The following NELFCD variants were observed in gnomAD, a reference collection of about 807,000 sequenced individuals.
The protein encoded by NELFCD is negative elongation factor C/D.
A neutral mutation model predicts 72.9 loss-of-function variants in NELFCD; 48 were observed. The observed-to-expected ratio is 0.66, with a 90% confidence interval of 0.52 to 0.84. NELFCD has a LOEUF of 0.84. Ranked by LOEUF, NELFCD falls within the 40% of genes least tolerant of loss-of-function variation. The pLI, the probability that NELFCD is intolerant of heterozygous loss-of-function variation, is 0.00. For missense variants in NELFCD, 538 were observed against 723.8 expected (o/e 0.74, Z 2.94); for synonymous variants, 297 against 280.6 (o/e 1.06, Z -0.59).
Position 58,993,232 on chromosome 20 carries a change from T to A in NELFCD, c.1344+120T>A. The stretch of plus-strand genomic sequence containing the variant: ...GATACTCTTCTCAAAAATAGTTATT[T>A]CTGTCCTGAGGATTTTCCTCTTAAG... On this transcript the variant is annotated intron_variant, in intron 11 of 14. Coordinates refer to ENST00000652272, the MANE Select transcript of NELFCD (RefSeq NM_198976.4). This position sits in a 1 kb window ranked among gnomAD's most constrained non-coding sequence, Gnocchi z 5.0. 1.1e-6 allele frequency: 1 copy of A among 899,496 alleles called. No individual in the cohort carries two copies. Among genetic ancestry groups the A allele is most frequent in the Admixed American group, 2.4e-5 (1 of 42,424 alleles). The allele number at this position is 899,496 out of a possible 1,614,324, so 55.7% of individuals were successfully genotyped here. A position where few individuals can be genotyped will look rare whatever the true frequency, so the allele number is the denominator to read the frequency against.
At chr20:58,992,054 C>T in intron 10 of NELFCD, 34 bp downstream of exon 10, 1 of 1,562,404 alleles carries the variant, frequency 6.4e-7, no homozygotes, top group South Asian at 1.2e-5. Flanking sequence ...TTAAATCAGT[C>T]CTTTGGGGAG....
intron 1 of NELFCD, among the ~76,000 whole-genome samples, chr20:58,985,005 G>A (rs564175425): frequency 1.1e-3 from 161 of 152,342 alleles, no homozygotes; most frequent in Non-Finnish European, 1.7e-3. Context: ...CCAAAGCACT[G>A]CTTTTAGGAT....
chr20:58,989,324 C>A, intron 5 of NELFCD, 164 bp from the exon 6 acceptor site: 2 of 808,540 alleles, frequency 2.5e-6, no homozygotes. Context: ...GTGGTCAGCC[C>A]AGGGCACACA....
chr20:58,992,120 T>G, intron 10 of NELFCD, 100 bp downstream of exon 10: 1 of 1,232,738 alleles, frequency 8.1e-7, no homozygotes, highest in Non-Finnish European at 1.1e-6. Flanking sequence ...TCAGCGATAC[T>G]TGTTCATTTT....
rs1487601327 is a variant in NELFCD at position 58,993,654 on chromosome 20, A to G, written c.1471A>G (p.Met491Val). ...LELKKTLLDRMVHLLSRGYVL... is the reference protein window; with the variant it reads ...LELKKTLLDRVVHLLSRGYVL... ...GTTGAAGAAGACACTGCTGGACAGG[A>G]TGGTTCACCTGCTGAGTCGAGGTTA... is the stretch of plus-strand genomic sequence containing the variant. Residue 491 changes from methionine (M) to valine (V), a missense_variant, in exon 13 of 15, where the codon ATG (methionine) becomes GTG (valine). Physicochemically the swap from Met to Val is conservative, Grantham distance 21. Transcript: ENST00000652272. This position sits in a 1 kb window ranked among gnomAD's most constrained non-coding sequence, Gnocchi z 5.0. 6.2e-7 allele frequency: 1 copy of G among 1,614,174 alleles called. No individual in the cohort carries two copies. The highest frequency in any genetic ancestry group is 1.7e-5 in the Admixed American group (1 of 60,016).
rs2091836635 is a variant in NELFCD, at chr20:58,993,847, C to G, written c.1581+83C>G. The G allele has an allele frequency of 6.9e-7, 1 of 1,458,672 alleles. No homozygotes were observed. Among genetic ancestry groups the G allele is most frequent in the South Asian group, 1.2e-5 (1 of 81,386 alleles). The allele number at this position is 1,458,672 out of a possible 1,614,324, so 90.4% of individuals were successfully genotyped here. On this transcript the variant is annotated intron_variant, in intron 13 of 14. Transcript: ENST00000652272. This position sits in a 1 kb window ranked among gnomAD's most constrained non-coding sequence, Gnocchi z 5.0. ...TTGGCTTAATTTAGTTCATTTTGTA[C>G]CTAACTGAGAACTGTGCTTTCTGAT...
chr20:58,981,348 C>A lies in NELFCD; in HGVS notation c.39C>A (p.Gly13=). The A allele has an allele frequency of 9.0e-7, 1 of 1,111,916 alleles. No homozygotes were observed. The highest frequency in any genetic ancestry group is 1.1e-6 in the Non-Finnish European group (1 of 907,062). The allele number at this position is 1,111,916 out of a possible 1,614,324, so 68.9% of individuals were successfully genotyped here. Reference sequence around the variant, plus strand: ...ACTACGGGAGCGCGGCCGAGTGGGGCGACGAGGCTGACGGCGGCCAGGTGA... The same window carrying A: ...ACTACGGGAGCGCGGCCGAGTGGGGAGACGAGGCTGACGGCGGCCAGGTGA... ...EDYYGSAAEW[G]DEADGGQQED... Residue 13 remains glycine, a synonymous_variant, in exon 1 of 15, where the codon GGC becomes GGA. Transcript: ENST00000652272.
At chr20:58,994,018 ATTT>A in intron 13 of NELFCD, 89 bp from the exon 14 acceptor site, 1 of 1,498,418 alleles carries the variant, frequency 6.7e-7, no homozygotes, top group Non-Finnish European at 9.1e-7. Flanking sequence ...GTGGGGAGGG[ATTT>A]TTTCCAAACT....
intron 7 of NELFCD, 128 bp downstream of exon 7, chr20:58,990,116 G>A: frequency 1.5e-6 from 2 of 1,314,884 alleles, no homozygotes; most frequent in Non-Finnish European, 2.1e-6. Context: ...CTTGCTTTTG[G>A]CTGGGCGTGG....
chr20:58,990,742 T>C, intron 7 of NELFCD, 168 bp from the exon 8 acceptor site: 1 of 596,544 alleles, frequency 1.7e-6, no homozygotes, highest in South Asian at 2.3e-5. Flanking sequence ...GCAAGCTGTA[T>C]TGGAATCACT....
intron 4 of NELFCD, among the ~76,000 whole-genome samples, chr20:58,988,499 A>C (rs918297075): frequency 6.6e-6 from 1 of 152,232 alleles, no homozygotes; most frequent in Non-Finnish European, 1.5e-5. Context: ...CATCCGTCAC[A>C]TAGGAGAGCT....
intron 14 of NELFCD, 77 bp from the exon 15 acceptor site, chr20:58,994,562 CAAA>C (rs374709307): frequency 0.012 from 9,777 of 811,988 alleles, no homozygotes; most frequent in East Asian, 0.014. Context: ...AACTGCATCT[CAAA>C]AAAAAAAAAA....
intron 1 of NELFCD, among the ~76,000 whole-genome samples, chr20:58,984,706 G>GA (rs2091760349): frequency 6.6e-6 from 1 of 152,216 alleles, no homozygotes; most frequent in African/African-American, 2.4e-5. Flanking sequence ...AATGAGAATG[G>GA]AATGTTGGAT....
chr20:58,989,157 A>C (rs1472672987), intron 5 of NELFCD, 136 bp downstream of exon 5: 1 of 675,092 alleles, frequency 1.5e-6, no homozygotes, highest in Non-Finnish European at 2.5e-6. Flanking sequence ...TAAGCCTTAC[A>C]CTGAGAAAGA....
At chr20:58,991,581 G>C (rs1399643062) in intron 9 of NELFCD, 135 bp downstream of exon 9, 3 of 1,093,916 alleles carry the variant, frequency 2.7e-6, no homozygotes, top group Non-Finnish European at 3.9e-6. Flanking sequence ...TTGTGTTTCT[G>C]CGTAGAGAAA....
At chr20:58,990,663 C>G (rs2091809306) in intron 7 of NELFCD, 1 of 409,312 alleles carries the variant, frequency 2.4e-6, no homozygotes, top group Non-Finnish European at 4.4e-6. Context: ...CTCATATTAG[C>G]TTTATTTTCT....
intron 1 of NELFCD, among the ~76,000 whole-genome samples, chr20:58,983,039 A>G (rs928339094): frequency 6.6e-6 from 1 of 151,924 alleles, no homozygotes; most frequent in Non-Finnish European, 1.5e-5. Context: ...CACTTCGTCA[A>G]ATTGCTGACT....
chr20:58,989,617 G>GA lies in NELFCD; in HGVS notation c.641dup (p.Asn214LysfsTer4). On this transcript the variant is annotated frameshift_variant, in exon 6 of 15. Coordinates refer to ENST00000652272, the MANE Select transcript of NELFCD (RefSeq NM_198976.4). LOFTEE classifies it high-confidence loss of function. ...TTTAGATGGAGGAGAAGAAAACCTT[G>GA]AAAAAAATCTCCCTGAGTTTGCCGT... 3.1e-6 allele frequency: 5 copies of GA among 1,613,836 alleles called. No homozygotes were observed. Among genetic ancestry groups the GA allele is most frequent in the Non-Finnish European group, 4.2e-6 (5 of 1,179,890 alleles).
At position 58,986,254 on chromosome 20, in the gene NELFCD, T is replaced by A. The variant is rs776267970; in HGVS notation, c.176+46T>A. ...TATTGGGAGGAGGCTGGGGGTAATT[T>A]AGAGAAAGTTTTGTAATACACCCAG... is the stretch of plus-strand genomic sequence containing the variant. On this transcript the variant is annotated intron_variant, in intron 2 of 14. Transcript: ENST00000652272. The surrounding 1 kb of genome is among the most constrained non-coding windows in gnomAD (Gnocchi z 4.4). The A allele has an allele frequency of 1.5e-6, 2 of 1,311,678 alleles. No individual in the cohort carries two copies. The highest frequency in any genetic ancestry group is 2.9e-5 in the African/African-American group (2 of 69,048). The allele number at this position is 1,311,678 out of a possible 1,614,324, so 81.3% of individuals were successfully genotyped here. A position where few individuals can be genotyped will look rare whatever the true frequency, so the allele number is the denominator to read the frequency against.
Sources: allele counts gnomAD v4.1 joint callset (sites outside exome capture counted in the v4.1 genomes callset), GRCh38; gene constraint gnomAD v4.1.1; non-coding constraint Gnocchi (gnomAD v3.1); transcripts MANE v1.5; gene names NCBI Gene and HGNC (gene_info 2026-07-23, HGNC 2026-07-21).